The following EPHA6 variants were observed in gnomAD, a reference collection of about 807,000 sequenced individuals.
The protein encoded by EPHA6 is ephrin type-A receptor 6.
Under a neutral mutation model 112.0 loss-of-function variants are expected in EPHA6, and 50 were observed. That is an observed-to-expected ratio of 0.45 (90% confidence interval 0.36 to 0.56). EPHA6 has a LOEUF of 0.56. Among genes scored for constraint, EPHA6 ranks in the 20% least tolerant of loss-of-function variants. The probability of loss-of-function intolerance (pLI) is 0.00; values close to 1 mark genes in which losing one functional copy is unlikely to be tolerated. For synonymous variants in EPHA6, 529 were observed against 490.7 expected (o/e 1.08, Z -1.03); for missense variants, 1,280 against 1,417.4 (o/e 0.90, Z 1.56).
intron 3 of EPHA6, among the ~76,000 whole-genome samples, chr3:97,097,811 A>G (rs928791969): frequency 3.9e-5 from 6 of 151,964 alleles, no homozygotes; most frequent in African/African-American, 1.4e-4. Context: ...CAGATAAATC[A>G]GAAGAATGTA....
At chr3:97,577,387 T>C (rs1018669976) in intron 11 of EPHA6, among the ~76,000 whole-genome samples, 1 of 152,234 alleles carries the variant, frequency 6.6e-6, no homozygotes, top group African/African-American at 2.4e-5. Context: ...AGATGAAATT[T>C]TCTTTTAATA....
intron 14 of EPHA6, among the ~76,000 whole-genome samples, chr3:97,683,317 A>G (rs549207958): frequency 1.2e-4 from 19 of 152,262 alleles, no homozygotes; most frequent in African/African-American, 3.4e-4. Flanking sequence ...TCTGCCTTAT[A>G]TCATTACACA....
At chr3:96,943,000 A>G (rs79654447) in intron 2 of EPHA6, among the ~76,000 whole-genome samples, 1,861 of 152,166 alleles carry the variant, frequency 0.012, 34 homozygotes, top group African/African-American at 0.043. Flanking sequence ...CCAGTCTCTC[A>G]TTATCCACCA....
chr3:97,597,383 T>C (rs773235346), intron 12 of EPHA6, among the ~76,000 whole-genome samples: 10 of 152,170 alleles, frequency 6.6e-5, no homozygotes, highest in Non-Finnish European at 1.5e-4. Context: ...AACAGGAGAA[T>C]TATGAACACA....
chr3:97,085,950 C>CATATATATAT (rs1363193912), intron 3 of EPHA6, among the ~76,000 whole-genome samples: 1 of 107,562 alleles, frequency 9.3e-6, no homozygotes, highest in Non-Finnish European at 1.7e-5. Flanking sequence ...TATATATATA[C>CATATATATAT]ACACTGAGAT....
chr3:97,146,400 T>C (rs548619328), intron 3 of EPHA6, among the ~76,000 whole-genome samples: 3 of 151,916 alleles, frequency 2.0e-5, no homozygotes, highest in Non-Finnish European at 4.4e-5. Flanking sequence ...ATACTCTCTG[T>C]ATGATAATGT....
chr3:97,061,457 T>A (rs1380579992), intron 3 of EPHA6, among the ~76,000 whole-genome samples: 2 of 152,164 alleles, frequency 1.3e-5, no homozygotes, highest in Non-Finnish European at 2.9e-5. Context: ...TTCTTGTACC[T>A]CAAGTAGATG....
At chr3:97,006,164 A>G (rs188171214) in intron 3 of EPHA6, among the ~76,000 whole-genome samples, 24 of 152,170 alleles carry the variant, frequency 1.6e-4, no homozygotes, top group Non-Finnish European at 2.6e-4. Flanking sequence ...CTCCTTTTCA[A>G]TTGTTTGGAA....
intron 2 of EPHA6, among the ~76,000 whole-genome samples, chr3:96,924,165 G>GT (rs1407057720): frequency 6.6e-6 from 1 of 152,072 alleles, no homozygotes; most frequent in Non-Finnish European, 1.5e-5. Context: ...TTTTTAAATA[G>GT]TTTTTCTAAA....
intron 2 of EPHA6, among the ~76,000 whole-genome samples, chr3:96,896,852 A>T (rs2038298093): frequency 6.6e-6 from 1 of 152,164 alleles, no homozygotes; most frequent in Admixed American, 6.5e-5. Flanking sequence ...TATCCATTCA[A>T]GTTGAATAGT....
chr3:96,982,747 A>G (rs1259357124), intron 2 of EPHA6, among the ~76,000 whole-genome samples: 2 of 152,146 alleles, frequency 1.3e-5, no homozygotes, highest in Non-Finnish European at 1.5e-5. Flanking sequence ...TCTGTATTGA[A>G]TGCATATATA....
At chr3:97,331,032 T>C (rs1312997188) in intron 5 of EPHA6, among the ~76,000 whole-genome samples, 1 of 151,970 alleles carries the variant, frequency 6.6e-6, no homozygotes, top group Non-Finnish European at 1.5e-5. Context: ...AGAACAGAAA[T>C]TATAAGAAAC....
intron 14 of EPHA6, among the ~76,000 whole-genome samples, chr3:97,708,333 A>C (rs918000755): frequency 6.6e-6 from 1 of 152,220 alleles, no homozygotes; most frequent in Non-Finnish European, 1.5e-5. Context: ...AGATCTGTGA[A>C]ACTTTGAACT....
Position 97,161,043 on chromosome 3 carries a change from A to T in EPHA6, c.1115-65221A>T, listed in dbSNP as rs551265040. Among the ~76,000 whole-genome samples, 31 of 152,186 alleles carry T rather than the reference A, an allele frequency of 2.0e-4. No individual in the cohort carries two copies. In the South Asian group the frequency reaches 3.1e-3, roughly 15 times the overall value. On this transcript the variant is annotated intron_variant, in intron 3 of 17. Coordinates refer to ENST00000389672, the MANE Select transcript of EPHA6 (RefSeq NM_001080448.3). ...TTTGAGCCGTTTCTTTATGGAACTT[A>T]CTTTGCATTCAGGGCCTGCTTGGGC...
At chr3:97,724,280 T>C (rs1399239914) in intron 15 of EPHA6, among the ~76,000 whole-genome samples, 1 of 152,152 alleles carries the variant, frequency 6.6e-6, no homozygotes, top group Non-Finnish European at 1.5e-5. Flanking sequence ...GTGAATAATA[T>C]AATGAGTTTC....
chr3:97,681,565 CTCCCAAACATATTATTTAATGAAA>C (rs2031863885), intron 14 of EPHA6, among the ~76,000 whole-genome samples: 1 of 151,954 alleles, frequency 6.6e-6, no homozygotes, highest in Non-Finnish European at 1.5e-5. Flanking sequence ...TTTAAAAGAT[CTCCCAAACATATTATTTAATGAAA>C]AAATTAAAAG....
intron 11 of EPHA6, among the ~76,000 whole-genome samples, chr3:97,548,362 G>A (rs773272721): frequency 2.2e-4 from 33 of 152,180 alleles, no homozygotes; most frequent in Admixed American, 5.2e-4. Flanking sequence ...TGGAGCACTT[G>A]ATTAAGAGAG....
At chr3:97,453,122 G>A (rs928551932) in intron 7 of EPHA6, among the ~76,000 whole-genome samples, 18 of 151,666 alleles carry the variant, frequency 1.2e-4, no homozygotes, top group African/African-American at 3.9e-4. Flanking sequence ...GTAGCAGTAA[G>A]TAATTTTGCA....
Position 97,691,283 on chromosome 3 carries a change from C to T in EPHA6, c.2785-28978C>T, listed in dbSNP as rs567603944. 9.7e-4 allele frequency among the ~76,000 whole-genome samples: 148 copies of T among 152,306 alleles called. 1 individual carries two copies. Among genetic ancestry groups the T allele is most frequent in the African/African-American group, 3.2e-3 (135 of 41,578 alleles). ...TCCATTTAGTTTTAGACTCTCAATTCTATTCCATTGACTTGTATGACTTTT... is the reference window on the plus strand; with the variant it reads ...TCCATTTAGTTTTAGACTCTCAATTTTATTCCATTGACTTGTATGACTTTT... On this transcript the variant is annotated intron_variant, in intron 14 of 17. Coordinates refer to ENST00000389672, the MANE Select transcript of EPHA6 (RefSeq NM_001080448.3).
Sources: gnomAD v4.1 joint callset for allele counts (sites outside exome capture counted in the v4.1 genomes callset) on GRCh38, gnomAD v4.1.1 for gene constraint, MANE v1.5 for transcripts, NCBI Gene and HGNC (gene_info 2026-07-23, HGNC 2026-07-21) for gene names.